Variants in UGT1A10 observed in about 807,000 individuals in gnomAD.
The protein encoded by UGT1A10 is UDP-glucuronosyltransferase 1A10.
UGT1A10 carries 49 observed loss-of-function variants against 45.8 expected under a neutral mutation model. The observed-to-expected ratio is 1.07, with a 90% CI of 0.85 to 1.36. The LOEUF (loss-of-function observed/expected upper bound fraction) is 1.36, where lower values mean the gene tolerates loss of function less well. Among genes scored for constraint, UGT1A10 ranks in the 40% most tolerant of loss-of-function variants. The pLI, the probability that UGT1A10 is intolerant of heterozygous loss-of-function variation, is 0.00. For synonymous variants in UGT1A10, 284 were observed against 249.7 expected, an observed-to-expected ratio of 1.14 and a Z score of -1.29; for missense variants, 745 against 668.6, an observed-to-expected ratio of 1.11 and a Z score of -1.26.
At chr2:233,644,329 A>G (rs1257789893) in intron 1 of UGT1A10, among the ~76,000 whole-genome samples, 1 of 152,162 alleles carries the variant, frequency 6.6e-6, no homozygotes, top group Admixed American at 6.5e-5. Flanking sequence ...GCACTTAGGG[A>G]GGCTGAGGTG....
In UGT1A10 at chr2:233,748,243, C is replaced by T. The variant is rs570859275; in HGVS notation, c.856-18791C>T. Among the ~76,000 whole-genome samples the T allele has an allele frequency of 2.0e-4, 31 of 151,784 alleles. 2 individuals are homozygous for T. Among genetic ancestry groups the T allele is most frequent in the African/African-American group, 6.3e-4 (26 of 41,150 alleles). ...TAAACTGTTAAGGGGTCTCTAGTAGCGTATTTCAGGTTTTAAATGGTCAAT... is the reference window on the plus strand; with the variant it reads ...TAAACTGTTAAGGGGTCTCTAGTAGTGTATTTCAGGTTTTAAATGGTCAAT... On this transcript the variant is annotated intron_variant, in intron 1 of 4. Transcript: ENST00000344644.
chr2:233,747,015 G>A lies in UGT1A10; in HGVS notation c.856-20019G>A, dbSNP rs911515983. 7.2e-5 allele frequency among the ~76,000 whole-genome samples: 11 copies of A among 151,822 alleles called. 1 individual carries two copies. The highest frequency in any genetic ancestry group is 2.2e-4 in the African/African-American group (9 of 41,118). Reference sequence around the variant, plus strand: ...ATGAGTTTTTCAAGTAGGAGTGATCGGTCTTTCCCGAAGTGGGACCCATAA... The same window carrying A: ...ATGAGTTTTTCAAGTAGGAGTGATCAGTCTTTCCCGAAGTGGGACCCATAA... On this transcript the variant is annotated intron_variant, in intron 1 of 4. Coordinates refer to ENST00000344644, the MANE Select transcript of UGT1A10 (RefSeq NM_019075.4).
chr2:233,752,600 T>A (rs1023436245), intron 1 of UGT1A10: 10 of 152,076 alleles, frequency 6.6e-5, no homozygotes, highest in Admixed American at 2.6e-4. Context: ...AGATTTTTTT[T>A]AAAAAAACAT....
chr2:233,732,616 A>C (rs1187431518), intron 1 of UGT1A10, among the ~76,000 whole-genome samples: 1 of 152,194 alleles, frequency 6.6e-6, no homozygotes, highest in Non-Finnish European at 1.5e-5. Flanking sequence ...AAATGGTTGT[A>C]GATGTGTGGT....
intron 1 of UGT1A10, among the ~76,000 whole-genome samples, chr2:233,725,052 C>G (rs575446926): frequency 6.8e-6 from 1 of 147,562 alleles, no homozygotes; most frequent in Non-Finnish European, 1.5e-5. Flanking sequence ...TCAGGCGTGG[C>G]GGCGCGCGCC....
chr2:233,727,230 G>A (rs1426737314), intron 1 of UGT1A10, among the ~76,000 whole-genome samples: 1 of 152,174 alleles, frequency 6.6e-6, no homozygotes, highest in Non-Finnish European at 1.5e-5. Context: ...ATATGCGGAT[G>A]GCTCCAAGTC....
chr2:233,694,249 C>T (rs1192923893), intron 1 of UGT1A10, among the ~76,000 whole-genome samples: 2 of 151,962 alleles, frequency 1.3e-5, no homozygotes, highest in African/African-American at 2.4e-5. Flanking sequence ...GACCTTGAGC[C>T]AGGGACCAGC....
chr2:233,717,356 G>A (rs1181500345), intron 1 of UGT1A10, among the ~76,000 whole-genome samples: 1 of 152,158 alleles, frequency 6.6e-6, no homozygotes, highest in Admixed American at 6.5e-5. Flanking sequence ...CCTCCCCTGG[G>A]GAGTTCTCAA....
rs766652612 is a variant in UGT1A10 at position 233,682,141 on chromosome 2, A to T, written c.855+44764A>T. 1.9e-6 allele frequency: 3 copies of T among 1,614,192 alleles called. No homozygotes were observed. Among genetic ancestry groups the T allele is most frequent in the African/African-American group, 1.3e-5 (1 of 75,050 alleles). On this transcript the variant is annotated intron_variant, in intron 1 of 4. Coordinates refer to ENST00000344644, the MANE Select transcript of UGT1A10 (RefSeq NM_019075.4). ...CAGAGGTGAGTTGGCAACTGGGAAG[A>T]TCACTGAATTGCACAGTGAAGACTT...
chr2:233,679,824 A>G (rs555609688), intron 1 of UGT1A10, among the ~76,000 whole-genome samples: 3 of 152,230 alleles, frequency 2.0e-5, no homozygotes, highest in South Asian at 2.1e-4. Flanking sequence ...TCATAAAATG[A>G]CTTTAATTTT....
chr2:233,692,050 G>A (rs968960358), intron 1 of UGT1A10: 1 of 152,148 alleles, frequency 6.6e-6, no homozygotes, highest in African/African-American at 2.4e-5. Context: ...AAACCCTTGC[G>A]ATTAGAGGGA....
chr2:233,762,210 G>A (rs190920095), intron 1 of UGT1A10, among the ~76,000 whole-genome samples: 9 of 152,170 alleles, frequency 5.9e-5, no homozygotes, highest in Non-Finnish European at 7.4e-5. Context: ...TGTATTTGGC[G>A]CCCCATAAAT....
chr2:233,679,702 T>C (rs2074460020), intron 1 of UGT1A10, among the ~76,000 whole-genome samples: 1 of 152,196 alleles, frequency 6.6e-6, no homozygotes, highest in South Asian at 2.1e-4. Context: ...CTGGTTCTCC[T>C]GTTATCTGGA....
intron 1 of UGT1A10, among the ~76,000 whole-genome samples, chr2:233,670,328 G>A (rs1559332993): frequency 6.6e-6 from 1 of 152,120 alleles, no homozygotes; most frequent in Non-Finnish European, 1.5e-5. Flanking sequence ...GGAGAGACAG[G>A]TACACTTGGT....
chr2:233,703,336 C>G (rs766633275), intron 1 of UGT1A10, among the ~76,000 whole-genome samples: 3 of 151,932 alleles, frequency 2.0e-5, no homozygotes, highest in Non-Finnish European at 4.4e-5. Context: ...AGTCTTCTCT[C>G]TTTTTTCTTT....
In UGT1A10 at chr2:233,769,917, G is replaced by C. The variant is rs1699982353; in HGVS notation, c.1295+1478G>C. On this transcript the variant is annotated intron_variant, in intron 4 of 4. Transcript: ENST00000344644. The surrounding 1 kb of genome is among the most constrained non-coding windows in gnomAD (Gnocchi z 4.4). ...CTGAGCATCATGTGCCCAGAGCGTT[G>C]GGTGGTGTGGTCCCATTCCTTCCTT... 6.9e-6 allele frequency: 2 copies of C among 288,250 alleles called. No homozygotes were observed. The highest frequency in any genetic ancestry group is 1.3e-5 in the Non-Finnish European group (2 of 154,420). 17.9% of individuals were successfully genotyped at this position (288,250 alleles called of 1,614,324 possible). A position where few individuals can be genotyped will look rare whatever the true frequency, so the allele number is the denominator to read the frequency against.
intron 1 of UGT1A10, among the ~76,000 whole-genome samples, chr2:233,759,532 G>GTTC (rs994787528): frequency 5.4e-4 from 82 of 152,192 alleles, no homozygotes; most frequent in African/African-American, 1.9e-3. Flanking sequence ...GAAGACTTCT[G>GTTC]TTCACATGCG....
intron 1 of UGT1A10, among the ~76,000 whole-genome samples, chr2:233,661,783 T>C (rs2073976796): frequency 6.6e-6 from 1 of 151,718 alleles, no homozygotes; most frequent in African/African-American, 2.4e-5. Context: ...AATTCAACTT[T>C]TCTTGTAATA....
At chr2:233,700,356 T>C (rs998443446) in intron 1 of UGT1A10, among the ~76,000 whole-genome samples, 8 of 152,234 alleles carry the variant, frequency 5.3e-5, no homozygotes, top group African/African-American at 1.7e-4. Context: ...CTTATCTTTA[T>C]GGCTGATTAT....
Sources: gnomAD v4.1 joint callset for allele counts (sites outside exome capture counted in the v4.1 genomes callset) on GRCh38, gnomAD v4.1.1 for gene constraint, Gnocchi (gnomAD v3.1) non-coding constraint, MANE v1.5 for transcripts, NCBI Gene and HGNC (gene_info 2026-07-23, HGNC 2026-07-21) for gene names.